PCDHA13: variants seen among roughly 807,000 people sequenced by gnomAD.
PCDHA13 encodes the protein protocadherin alpha-13.
A neutral mutation model predicts 64.8 loss-of-function variants in PCDHA13; 54 were observed. The observed-to-expected ratio is 0.83, with a 90% CI of 0.67 to 1.04. PCDHA13 has a LOEUF of 1.04. Ranked by LOEUF, PCDHA13 falls within the 50% of genes least tolerant of loss-of-function variation. The probability of loss-of-function intolerance (pLI) is 0.00; values close to 1 mark genes in which losing one functional copy is unlikely to be tolerated. For missense variants in PCDHA13, 1,248 were observed against 1,254.3 expected, an observed-to-expected ratio of 0.99 and a Z score of 0.08; for synonymous variants, 587 against 564.4, an observed-to-expected ratio of 1.04 and a Z score of -0.57.
At chr5:140,986,437 G>A (rs1554248053) in intron 3 of PCDHA13, among the ~76,000 whole-genome samples, 2 of 152,182 alleles carry the variant, frequency 1.3e-5, no homozygotes, top group Admixed American at 6.5e-5. Flanking sequence ...GAGTACTAAT[G>A]CCCTGAAGAG....
At chr5:140,937,020 G>A (rs2091265832) in intron 1 of PCDHA13, among the ~76,000 whole-genome samples, 1 of 151,388 alleles carries the variant, frequency 6.6e-6, no homozygotes. Flanking sequence ...CGATTAACAA[G>A]GTATATTCTT....
chr5:140,943,493 T>C (rs2093505211), intron 1 of PCDHA13, among the ~76,000 whole-genome samples: 1 of 152,118 alleles, frequency 6.6e-6, no homozygotes, highest in Non-Finnish European at 1.5e-5. Context: ...AAATAGATGC[T>C]ATCAAGGTTC....
chr5:140,941,181 G>C (rs2092747130), intron 1 of PCDHA13, among the ~76,000 whole-genome samples: 1 of 114,608 alleles, frequency 8.7e-6, no homozygotes, highest in African/African-American at 3.2e-5. Flanking sequence ...TGAACATCCT[G>C]CTTCTTTTTT....
chr5:141,003,588 T>C (rs558863784), intron 3 of PCDHA13, among the ~76,000 whole-genome samples: 65 of 152,252 alleles, frequency 4.3e-4, no homozygotes, highest in African/African-American at 1.3e-3. Context: ...GCTGGGATTT[T>C]AGATGTGAGC....
chr5:140,945,828 A>T (rs2093847646), intron 1 of PCDHA13, among the ~76,000 whole-genome samples: 1 of 152,176 alleles, frequency 6.6e-6, no homozygotes, highest in Admixed American at 6.5e-5. Flanking sequence ...TACAAAAGTC[A>T]ACTCAAAATG....
rs146702581 is a variant in PCDHA13 at position 140,929,720 on chromosome 5, C to T, written c.2394+45058C>T. ...TATGAATATAATATGGAAGGTGAAA[C>T]ATTTACTTAAACTATTGCAATGCAT... On this transcript the variant is annotated intron_variant, in intron 1 of 3. Coordinates refer to ENST00000289272, the MANE Select transcript of PCDHA13 (RefSeq NM_018904.3). The T allele has an allele frequency of 2.8e-3, 635 of 224,158 alleles. 4 individuals are homozygous for T. The highest frequency in any genetic ancestry group is 6.2e-3 in the African/African-American group (270 of 43,802). 13.9% of individuals were successfully genotyped at this position (224,158 alleles called of 1,614,324 possible).
chr5:140,947,188 T>C (rs2153678869), intron 1 of PCDHA13, among the ~76,000 whole-genome samples: 1 of 151,448 alleles, frequency 6.6e-6, no homozygotes, highest in South Asian at 2.1e-4. Context: ...CATGGTATAC[T>C]ACACAGCCTT....
rs1554262229 is a variant in PCDHA13, at chr5:141,009,613, G to A, written c.2543-14G>A. ...GTTGACCCTGTTAATGATTTGTAATGTTTTGTCTTTCAGAACCAGAGGCAG... is the reference window on the plus strand; with the variant it reads ...GTTGACCCTGTTAATGATTTGTAATATTTTGTCTTTCAGAACCAGAGGCAG... On this transcript the variant is annotated splice_polypyrimidine_tract_variant and intron_variant, in intron 3 of 3. Coordinates refer to ENST00000289272, the MANE Select transcript of PCDHA13 (RefSeq NM_018904.3). The A allele has an allele frequency of 6.2e-7, 1 of 1,611,932 alleles. No individual in the cohort carries two copies. Among genetic ancestry groups the A allele is most frequent in the Non-Finnish European group, 8.5e-7 (1 of 1,178,618 alleles).
At chr5:140,926,362 C>G (rs1199629040) in intron 1 of PCDHA13, 4 of 152,268 alleles carry the variant, frequency 2.6e-5, no homozygotes, top group African/African-American at 9.7e-5. Context: ...TCCCAAAGGG[C>G]GGCAGGAAGA....
chr5:140,969,549 C>G (rs1213967618), intron 1 of PCDHA13: 33 of 1,238,058 alleles, frequency 2.7e-5, no homozygotes, highest in Non-Finnish European at 3.4e-5. Flanking sequence ...AGGCATGAAG[C>G]CTTGTCCATA....
chr5:140,904,287 G>A (rs2071024041), intron 1 of PCDHA13, among the ~76,000 whole-genome samples: 1 of 151,908 alleles, frequency 6.6e-6, no homozygotes, highest in Non-Finnish European at 1.5e-5. Context: ...TGTGGTGTTT[G>A]GTTTTCCATT....
In PCDHA13 at chr5:140,942,596, A is replaced by T. The variant is rs116159999; in HGVS notation, c.2395-36353A>T. On this transcript the variant is annotated intron_variant, in intron 1 of 3. Coordinates refer to ENST00000289272, the MANE Select transcript of PCDHA13 (RefSeq NM_018904.3). ...CCCATATAGGATGTCACATATAATT[A>T]TAGTGTTTATATTTGCCAATTGTAA... 7.0e-3 allele frequency among the ~76,000 whole-genome samples: 992 copies of T among 142,408 alleles called. 16 individuals carry two copies. Among genetic ancestry groups the T allele is most frequent in the African/African-American group, 0.025 (912 of 36,952 alleles). 93.4% of individuals were successfully genotyped at this position (142,408 alleles called of 152,430 possible).
In PCDHA13 at chr5:140,995,570, A is replaced by T. The variant is rs186345842; in HGVS notation, c.2542+13007A>T. ...TCACTGTACTGAATAATATGTCAAG[A>T]TGAGCTATGAGCTTTTAACTTAGTG... is the stretch of plus-strand genomic sequence containing the variant. On this transcript the variant is annotated intron_variant, in intron 3 of 3. Transcript: ENST00000289272. Among the ~76,000 whole-genome samples, 3 of 152,328 alleles carry T rather than the reference A, an allele frequency of 2.0e-5. No homozygotes were observed. In the East Asian group the frequency reaches 5.8e-4, roughly 29 times the overall value.
At chr5:140,994,226 G>A (rs2097606248) in intron 3 of PCDHA13, among the ~76,000 whole-genome samples, 1 of 152,162 alleles carries the variant, frequency 6.6e-6, no homozygotes. Flanking sequence ...GTCTGTCTAT[G>A]TTATAATCAA....
At chr5:141,000,361 GTCTC>G (rs148596731) in intron 3 of PCDHA13, among the ~76,000 whole-genome samples, 1,917 of 26,274 alleles carry the variant, frequency 0.073, 118 homozygotes, top group African/African-American at 0.11. Flanking sequence ...GTCTCTCTCT[GTCTC>G]TCTCTCTCTC....
intron 1 of PCDHA13, among the ~76,000 whole-genome samples, chr5:140,955,186 G>A (rs246020): frequency 0.56 from 85,667 of 151,968 alleles, 24,773 homozygotes; most frequent in African/African-American, 0.69. Flanking sequence ...GTTTTGTGGT[G>A]TATATGAAGT....
intron 3 of PCDHA13, among the ~76,000 whole-genome samples, chr5:141,002,021 C>A (rs1177146388): frequency 2.6e-5 from 4 of 152,184 alleles, no homozygotes; most frequent in Admixed American, 6.5e-5. Flanking sequence ...GCACAGCCTT[C>A]GGTGCCCTGA....
At chr5:140,967,535 T>C in intron 1 of PCDHA13, 3 of 1,613,746 alleles carry the variant, frequency 1.9e-6, no homozygotes, top group Non-Finnish European at 2.5e-6. Context: ...CTCTCCTGCC[T>C]TTGACCAGTC....
intron 3 of PCDHA13, among the ~76,000 whole-genome samples, chr5:140,991,912 A>G (rs1022060256): frequency 1.3e-5 from 2 of 152,150 alleles, no homozygotes; most frequent in Non-Finnish European, 2.9e-5. Context: ...CCCTTTTGCC[A>G]TGTAACATAA....
Sources: gnomAD v4.1 joint callset for allele counts (sites outside exome capture counted in the v4.1 genomes callset) on GRCh38, gnomAD v4.1.1 for gene constraint, MANE v1.5 for transcripts, NCBI Gene and HGNC (gene_info 2026-07-23, HGNC 2026-07-21) for gene names.